The following PTPN3 variants were observed in gnomAD, a reference collection of about 807,000 sequenced individuals.
PTPN3 encodes protein tyrosine phosphatase non-receptor type 3, also known as tyrosine-protein phosphatase non-receptor type 3.
A neutral mutation model predicts 132.7 loss-of-function variants in PTPN3; 96 were observed. The observed-to-expected ratio is 0.72, with a 90% CI of 0.61 to 0.86. The LOEUF is 0.86. PTPN3 is among the 40% of genes least tolerant of loss of function. PTPN3 has a pLI of 0.00. For synonymous variants in PTPN3, 398 were observed against 429.0 expected (o/e 0.93, Z 0.89); for missense variants, 1,125 against 1,159.6 (o/e 0.97, Z 0.43).
At chr9:109,457,901 C>T (rs1053926359) in intron 2 of PTPN3, among the ~76,000 whole-genome samples, 22 of 152,358 alleles carry the variant, frequency 1.4e-4, no homozygotes, top group African/African-American at 5.0e-4. Flanking sequence ...ATTCAAAATA[C>T]CCTCAGAGTG....
chr9:109,428,555 G>A (rs1000125312), intron 11 of PTPN3, 66 bp downstream of exon 11: 136 of 1,533,910 alleles, frequency 8.9e-5, no homozygotes, highest in Non-Finnish European at 1.2e-4. Flanking sequence ...AACATAGCGA[G>A]ACCCTGTCTC....
chr9:109,406,440 C>T lies in PTPN3; in HGVS notation c.1792+22G>A, dbSNP rs957748008. On this transcript the variant is annotated intron_variant, in intron 18 of 25. Transcript: ENST00000374541. ...TGGCTAGGACAGCTTCCCTATGGCT[C>T]CTCCCCCCAGGTGGCCATTACCTCT... 4 of 1,608,270 alleles carry T rather than the reference C, an allele frequency of 2.5e-6. No homozygotes were observed. The African/African-American group carries it at 4.0e-5, about 16-fold the overall frequency.
In PTPN3 at chr9:109,376,597, C is replaced by A. The variant is rs1838577954; in HGVS notation, c.*2959G>T. ...CATCTTGATTAAATTGGCACATCAA[C>A]ATGTTTAATTAGATCTTTCAGAAAG... is the stretch of plus-strand genomic sequence containing the variant. On this transcript the variant is annotated 3_prime_UTR_variant, in exon 26 of 26. Coordinates refer to ENST00000374541, the MANE Select transcript of PTPN3 (RefSeq NM_002829.4). 1 of 152,174 alleles carries A rather than the reference C, an allele frequency of 6.6e-6. No individual in the cohort carries two copies. Among genetic ancestry groups the A allele is most frequent in the Non-Finnish European group, 1.5e-5 (1 of 68,036 alleles). 9.4% of individuals were successfully genotyped at this position (152,174 alleles called of 1,614,324 possible).
upstream of PTPN3, among the ~76,000 whole-genome samples, chr9:109,501,307 G>A (rs888753552): frequency 2.6e-5 from 4 of 152,144 alleles, no homozygotes; most frequent in Non-Finnish European, 4.4e-5. Flanking sequence ...AGGGGGTGAG[G>A]ATTTGAACAC....
the PTPN3 span, among the ~76,000 whole-genome samples, chr9:109,509,456 C>T: frequency 3.3e-5 from 5 of 152,190 alleles, no homozygotes; most frequent in African/African-American, 9.7e-5. Flanking sequence ...ACTAGATTCT[C>T]ACTTTAACAC....
intron 1 of PTPN3, among the ~76,000 whole-genome samples, chr9:109,496,298 AT>A (rs1301825490): frequency 6.6e-6 from 1 of 152,234 alleles, no homozygotes; most frequent in Admixed American, 6.5e-5. Context: ...ACTGTTGTTA[AT>A]TTTCAACTAG....
intron 7 of PTPN3, among the ~76,000 whole-genome samples, chr9:109,440,445 T>C (rs1844372295): frequency 6.6e-6 from 1 of 152,114 alleles, no homozygotes; most frequent in South Asian, 2.1e-4. Flanking sequence ...AGTGAAGAAA[T>C]TGCGGTCTGG....
intron 16 of PTPN3, among the ~76,000 whole-genome samples, chr9:109,408,956 GTCC>G (rs922937283): frequency 2.6e-5 from 4 of 151,564 alleles, no homozygotes; most frequent in African/African-American, 9.7e-5. Flanking sequence ...GTGAGCGCTG[GTCC>G]TCAACACAGC....
At chr9:109,486,446 G>A (rs1356445269) in intron 1 of PTPN3, among the ~76,000 whole-genome samples, 4 of 152,178 alleles carry the variant, frequency 2.6e-5, no homozygotes, top group Non-Finnish European at 5.9e-5. Flanking sequence ...TGGGTGGAGT[G>A]GAAAAGGGGA....
chr9:109,382,709 T>C (rs1839215297), intron 23 of PTPN3, among the ~76,000 whole-genome samples: 2 of 151,836 alleles, frequency 1.3e-5, no homozygotes, highest in South Asian at 2.1e-4. Context: ...CTCCTCCATT[T>C]GCTGCTATGG....
intron 1 of PTPN3, among the ~76,000 whole-genome samples, chr9:109,485,334 G>T (rs1382732511): frequency 6.6e-6 from 1 of 151,984 alleles, no homozygotes. Flanking sequence ...GTGAAACCCC[G>T]TCTCTACTAA....
chr9:109,477,115 C>T (rs774861188), intron 1 of PTPN3, among the ~76,000 whole-genome samples: 1 of 152,212 alleles, frequency 6.6e-6, no homozygotes, highest in Non-Finnish European at 1.5e-5. Flanking sequence ...ACACCACCCA[C>T]TCTGAGTCCA....
chr9:109,457,125 G>A (rs1037393788), intron 4 of PTPN3, 48 bp downstream of exon 4: 1 of 1,581,792 alleles, frequency 6.3e-7, no homozygotes. Flanking sequence ...AACAGGCTGT[G>A]ATACACTAAC....
chr9:109,527,307 A>G, the PTPN3 span, among the ~76,000 whole-genome samples: 1 of 152,184 alleles, frequency 6.6e-6, no homozygotes, highest in Non-Finnish European at 1.5e-5. Flanking sequence ...CTAAAAACAC[A>G]AAAATGAGCC....
In PTPN3 at chr9:109,379,383, C is replaced by T. The variant is rs1838832766; in HGVS notation, c.*173G>A. 1 of 607,454 alleles carries T rather than the reference C, an allele frequency of 1.6e-6. No homozygotes were observed. Among genetic ancestry groups the T allele is most frequent in the Non-Finnish European group, 2.9e-6 (1 of 342,766 alleles). 37.6% of individuals were successfully genotyped at this position (607,454 alleles called of 1,614,324 possible). A position where few individuals can be genotyped will look rare whatever the true frequency, so the allele number is the denominator to read the frequency against. ...TGCCATAATTGCATGCTTATCTACA[C>T]CAGTTCCTATGTACACGATATCTTT... is the stretch of plus-strand genomic sequence containing the variant. On this transcript the variant is annotated 3_prime_UTR_variant, in exon 26 of 26. Coordinates refer to ENST00000374541, the MANE Select transcript of PTPN3 (RefSeq NM_002829.4).
In PTPN3 at chr9:109,428,686, T is replaced by G; in HGVS notation, c.765-2A>C. 6.2e-7 allele frequency: 1 copy of G among 1,612,266 alleles called. No individual in the cohort carries two copies. The highest frequency in any genetic ancestry group is 8.5e-7 in the Non-Finnish European group (1 of 1,179,450). ...AAAGAAATTTTGAGAATGTTCACCC[T>G]TCAAAAAATAAAACAAAACACAAAC... On this transcript the variant is annotated splice_acceptor_variant, in intron 10 of 25. Coordinates refer to ENST00000374541, the MANE Select transcript of PTPN3 (RefSeq NM_002829.4). LOFTEE classifies it high-confidence loss of function.
At chr9:109,410,119 T>C in intron 15 of PTPN3, 43 bp from the exon 16 acceptor site, 1 of 1,614,094 alleles carries the variant, frequency 6.2e-7, no homozygotes, top group Non-Finnish European at 8.5e-7. Context: ...CACATCTCTC[T>C]CCAGCAGTTG....
rs180923176 is a variant in PTPN3, at chr9:109,483,206, C to T, written c.-18+15013G>A. 3.9e-5 allele frequency among the ~76,000 whole-genome samples: 6 copies of T among 152,362 alleles called. No individual in the cohort carries two copies. In the East Asian group the frequency reaches 5.8e-4, roughly 15 times the overall value. The stretch of plus-strand genomic sequence containing the variant: ...CCCAGCCCTCGCTCCTCAGAGCTGA[C>T]GCCCAATATGCGAGTACCCTTTAGA... On this transcript the variant is annotated intron_variant, in intron 1 of 25. Coordinates refer to ENST00000374541, the MANE Select transcript of PTPN3 (RefSeq NM_002829.4).
chr9:109,538,186 A>G, the PTPN3 span, among the ~76,000 whole-genome samples: 4 of 152,228 alleles, frequency 2.6e-5, no homozygotes, highest in African/African-American at 4.8e-5. Context: ...AAGCACTGCA[A>G]TATTTTCATC....
Sources: allele counts gnomAD v4.1 joint callset (sites outside exome capture counted in the v4.1 genomes callset), GRCh38; gene constraint gnomAD v4.1.1; transcripts MANE v1.5; gene names NCBI Gene and HGNC (gene_info 2026-07-23, HGNC 2026-07-21).